ARHGEF33: variants seen among roughly 807,000 people sequenced by gnomAD.
ARHGEF33 encodes DH and coiled-coil domain-containing protein ENSP00000381780.
In ARHGEF33, 72 loss-of-function variants were observed where a neutral mutation model predicts 101.9. The observed-to-expected ratio is 0.71, with a 90% confidence interval of 0.58 to 0.86. The LOEUF is 0.86. Among genes scored for constraint, ARHGEF33 ranks in the 40% least tolerant of loss-of-function variants. ARHGEF33 has a pLI of 0.00. For synonymous variants in ARHGEF33, 499 were observed against 442.5 expected, an observed-to-expected ratio of 1.13 and a Z score of -1.60; for missense variants, 1,169 against 1,111.3, an observed-to-expected ratio of 1.05 and a Z score of -0.74.
chr2:38,965,068 C>G (rs934542031), intron 16 of ARHGEF33, among the ~76,000 whole-genome samples: 1 of 152,004 alleles, frequency 6.6e-6, no homozygotes, highest in Admixed American at 6.6e-5. Context: ...AAAAATCCAC[C>G]CTAACACTTT....
chr2:38,970,984 G>A (rs1398000986), intron 17 of ARHGEF33, among the ~76,000 whole-genome samples: 1 of 152,206 alleles, frequency 6.6e-6, no homozygotes, highest in Non-Finnish European at 1.5e-5. Flanking sequence ...CTGAGTGGAA[G>A]TAAAGGTGGA....
intron 2 of ARHGEF33, among the ~76,000 whole-genome samples, chr2:38,904,747 A>C (rs1666350705): frequency 2.0e-5 from 3 of 151,842 alleles, no homozygotes; most frequent in African/African-American, 4.8e-5. Context: ...AGAAAAGAAA[A>C]CGCCTATTGC....
intron 2 of ARHGEF33, among the ~76,000 whole-genome samples, chr2:38,898,758 T>A (rs1666176544): frequency 6.6e-6 from 1 of 152,210 alleles, no homozygotes; most frequent in Non-Finnish European, 1.5e-5. Flanking sequence ...GATAAATACA[T>A]CTTATTTATT....
chr2:38,950,950 C>T, intron 10 of ARHGEF33, 39 bp from the exon 11 acceptor site: 2 of 1,544,600 alleles, frequency 1.3e-6, no homozygotes, highest in Non-Finnish European at 1.7e-6. Context: ...TTCTTCTCTA[C>T]ACCTTGTTTG....
In ARHGEF33 at chr2:38,937,475, A is replaced by G. The variant is rs1009962010; in HGVS notation, c.706A>G (p.Lys236Glu). 1.9e-6 allele frequency: 3 copies of G among 1,550,764 alleles called. No homozygotes were observed. Among genetic ancestry groups the G allele is most frequent in the East Asian group, 4.9e-5 (2 of 40,898 alleles). The change falls in exon 9 of 18, where the codon AAA becomes GAA. Residue 236 changes from lysine to glutamate, a missense_variant. Lys to Glu is a moderately conservative substitution (Grantham distance 56). Transcript: ENST00000409978. ...AGAATGGGGTGAAGAATACGTCACA[A>G]AAGACCACCCAGATAAACTCAAGGA... ...GKEWGEEYVT[K>E]DHPDKLKEAG...
intron 10 of ARHGEF33, among the ~76,000 whole-genome samples, chr2:38,949,063 G>A (rs72799416): frequency 3.9e-4 from 59 of 152,160 alleles, no homozygotes; most frequent in Non-Finnish European, 6.6e-4. Flanking sequence ...TTTCATAGGG[G>A]GCTAGGTACC....
intron 2 of ARHGEF33, among the ~76,000 whole-genome samples, chr2:38,906,374 T>C (rs1666391229): frequency 6.6e-6 from 1 of 152,028 alleles, no homozygotes; most frequent in Non-Finnish European, 1.5e-5. Context: ...CAACAATAGA[T>C]TGAGGAATCA....
chr2:38,916,083 G>C (rs1666626327), intron 2 of ARHGEF33, among the ~76,000 whole-genome samples: 1 of 152,184 alleles, frequency 6.6e-6, no homozygotes, highest in Non-Finnish European at 1.5e-5. Context: ...ATGTACATAT[G>C]TGACCATATG....
At chr2:38,905,930 C>T (rs1666377302) in intron 2 of ARHGEF33, among the ~76,000 whole-genome samples, 1 of 152,146 alleles carries the variant, frequency 6.6e-6, no homozygotes, top group Non-Finnish European at 1.5e-5. Flanking sequence ...TGTTCAGTGT[C>T]TTTCCTCACA....
chr2:38,953,322 A>G, intron 12 of ARHGEF33, 77 bp downstream of exon 12: 2 of 853,022 alleles, frequency 2.3e-6, no homozygotes, highest in Non-Finnish European at 3.9e-6. Context: ...CCCAGTCAAT[A>G]CAGCGCATGC....
At chr2:38,972,035 G>A in intron 17 of ARHGEF33, 1 of 692,664 alleles carries the variant, frequency 1.4e-6, no homozygotes, top group Non-Finnish European at 2.7e-6. Flanking sequence ...GGAAATACGA[G>A]GCAAAGATTT....
At chr2:38,917,095 C>T (rs949770228) in intron 2 of ARHGEF33, among the ~76,000 whole-genome samples, 1 of 47,250 alleles carries the variant, frequency 2.1e-5, no homozygotes, top group Non-Finnish European at 4.3e-5. Flanking sequence ...CCACTGCAAC[C>T]GGTCTTCTTT....
intron 9 of ARHGEF33, 112 bp from the exon 10 acceptor site, chr2:38,943,789 T>C: frequency 9.4e-7 from 1 of 1,064,394 alleles, no homozygotes; most frequent in East Asian, 2.9e-5. Context: ...AACTTGCAGA[T>C]GGTTTTTTTT....
At chr2:38,930,815 A>C (rs981139916) in intron 6 of ARHGEF33, among the ~76,000 whole-genome samples, 1 of 152,216 alleles carries the variant, frequency 6.6e-6, no homozygotes, top group Non-Finnish European at 1.5e-5. Context: ...CACCACTGCA[A>C]ACTCTAAAGA....
intron 9 of ARHGEF33, among the ~76,000 whole-genome samples, chr2:38,937,979 C>T (rs1240555277): frequency 6.6e-6 from 1 of 152,118 alleles, no homozygotes; most frequent in Non-Finnish European, 1.5e-5. Context: ...CAAAGTATTG[C>T]TGAACAATTA....
At chr2:38,947,938 C>T (rs929018022) in intron 10 of ARHGEF33, among the ~76,000 whole-genome samples, 1 of 152,192 alleles carries the variant, frequency 6.6e-6, no homozygotes, top group East Asian at 1.9e-4. Flanking sequence ...ACAAAAGCTA[C>T]ATTATTAACC....
intron 17 of ARHGEF33, 78 bp from the exon 18 acceptor site, chr2:38,973,636 C>T: frequency 4.3e-6 from 6 of 1,388,150 alleles, no homozygotes; most frequent in Non-Finnish European, 5.7e-6. Context: ...AAATGCAAAA[C>T]AATTGGGATA....
intron 10 of ARHGEF33, among the ~76,000 whole-genome samples, chr2:38,946,145 C>T (rs1178440814): frequency 1.3e-5 from 2 of 152,100 alleles, no homozygotes; most frequent in Non-Finnish European, 2.9e-5. Flanking sequence ...GTTGTCTAGC[C>T]CTTGTTGCAA....
chr2:38,919,690 C>A (rs574364867), intron 3 of ARHGEF33, among the ~76,000 whole-genome samples: 2 of 152,296 alleles, frequency 1.3e-5, no homozygotes, highest in South Asian at 4.1e-4. Flanking sequence ...TTAGCAATAG[C>A]TTTAGGACTC....
Sources: gnomAD v4.1 joint callset for allele counts (sites outside exome capture counted in the v4.1 genomes callset) on GRCh38, gnomAD v4.1.1 for gene constraint, MANE v1.5 for transcripts, NCBI Gene and HGNC (gene_info 2026-07-23, HGNC 2026-07-21) for gene names.